Variants in PEPD observed in about 807,000 individuals in gnomAD.
PEPD encodes the protein xaa-Pro dipeptidase.
Under a neutral mutation model 60.7 loss-of-function variants are expected in PEPD, and 53 were observed. That is an observed-to-expected ratio of 0.87 (90% CI 0.70 to 1.10). PEPD has a LOEUF of 1.10. Ranked by LOEUF, PEPD falls within the 50% of genes least tolerant of loss-of-function variation. The pLI, the probability that PEPD is intolerant of heterozygous loss-of-function variation, is 0.00. For missense variants in PEPD, 711 were observed against 711.9 expected (o/e 1.00, Z 0.01); for synonymous variants, 267 against 284.1 (o/e 0.94, Z 0.60).
At chr19:33,508,513 G>A (rs1236339867) in intron 3 of PEPD, among the ~76,000 whole-genome samples, 3 of 152,228 alleles carry the variant, frequency 2.0e-5, no homozygotes, top group African/African-American at 4.8e-5. Context: ...AATTTGGACC[G>A]AGCCCCGAGA....
At chr19:33,424,472 C>G (rs1267328195) in intron 9 of PEPD, among the ~76,000 whole-genome samples, 1 of 152,242 alleles carries the variant, frequency 6.6e-6, no homozygotes, top group African/African-American at 2.4e-5. Context: ...CTGTTCGCGT[C>G]TGACCCAATC....
At chr19:33,487,370 C>A (rs1465325552) in intron 6 of PEPD, 1 of 152,362 alleles carries the variant, frequency 6.6e-6, no homozygotes, top group Non-Finnish European at 1.5e-5. Flanking sequence ...CCAGCCAGAG[C>A]TCCTGCCTCA....
chr19:33,397,036 C>T (rs1400887130), intron 12 of PEPD, among the ~76,000 whole-genome samples: 1 of 152,162 alleles, frequency 6.6e-6, no homozygotes, highest in African/African-American at 2.4e-5. Flanking sequence ...ACAGGAGCCG[C>T]GCTGAGCTTG....
intron 2 of PEPD, among the ~76,000 whole-genome samples, chr19:33,511,828 T>G (rs952252523): frequency 5.9e-5 from 9 of 152,162 alleles, no homozygotes; most frequent in Non-Finnish European, 1.3e-4. Flanking sequence ...AGCCATGGGA[T>G]TGCAGGCTTG....
chr19:33,409,424 T>G (rs1458369622), intron 11 of PEPD, among the ~76,000 whole-genome samples: 1 of 152,144 alleles, frequency 6.6e-6, no homozygotes, highest in African/African-American at 2.4e-5. Flanking sequence ...ATCCCAGCAC[T>G]TTTGGGAGGC....
chr19:33,509,016 G>C (rs1459160768), intron 3 of PEPD, among the ~76,000 whole-genome samples: 1 of 152,202 alleles, frequency 6.6e-6, no homozygotes, highest in Admixed American at 6.5e-5. Context: ...CGGCCTCTCA[G>C]AAGCCACACT....
chr19:33,423,760 T>C (rs920774055), intron 9 of PEPD, among the ~76,000 whole-genome samples: 1 of 152,240 alleles, frequency 6.6e-6, no homozygotes, highest in African/African-American at 2.4e-5. Context: ...AGTTTCCCCT[T>C]TGCTCCTTAA....
chr19:33,426,747 A>T (rs1455709612), intron 9 of PEPD, among the ~76,000 whole-genome samples: 1 of 151,364 alleles, frequency 6.6e-6, no homozygotes. Flanking sequence ...TCACTGAGGA[A>T]ACAGGAGGAG....
At chr19:33,418,999 C>A (rs538305071) in intron 9 of PEPD, among the ~76,000 whole-genome samples, 1 of 152,210 alleles carries the variant, frequency 6.6e-6, no homozygotes, top group Non-Finnish European at 1.5e-5. Context: ...GCAGCAGATG[C>A]GGTGCTCGGC....
chr19:33,451,365 A>C (rs1363838027), intron 9 of PEPD, among the ~76,000 whole-genome samples: 1 of 152,258 alleles, frequency 6.6e-6, no homozygotes, highest in Non-Finnish European at 1.5e-5. Flanking sequence ...TAAAATTAGA[A>C]AATTAAAATT....
intron 3 of PEPD, among the ~76,000 whole-genome samples, chr19:33,504,245 C>T (rs964798785): frequency 6.6e-6 from 1 of 152,226 alleles, no homozygotes; most frequent in Non-Finnish European, 1.5e-5. Flanking sequence ...GCTTGGCAGC[C>T]ATGATTTGGT....
chr19:33,387,733 T>C (rs1968109574), intron 14 of PEPD, 157 bp downstream of exon 14: 1 of 770,668 alleles, frequency 1.3e-6, no homozygotes, highest in Admixed American at 2.1e-5. Context: ...TACTGAGGGG[T>C]GAGGCTCCAT....
intron 9 of PEPD, among the ~76,000 whole-genome samples, chr19:33,415,100 C>A (rs771055365): frequency 1.6e-4 from 24 of 152,222 alleles, no homozygotes; most frequent in Non-Finnish European, 3.1e-4. Context: ...CCACTTCACA[C>A]CTCTGTGGCG....
chr19:33,463,052 G>A lies in PEPD; in HGVS notation c.625-11C>T, dbSNP rs796418600. On this transcript the variant is annotated splice_polypyrimidine_tract_variant and intron_variant, in intron 8 of 14. Coordinates refer to ENST00000244137, the MANE Select transcript of PEPD (RefSeq NM_000285.4). ...TACAGCCTTCATTACCTGGAGGACG[G>A]ATATTAAGCAAAGACATTTGTATTA... The A allele has an allele frequency of 1.3e-6, 2 of 1,549,096 alleles. No individual in the cohort carries two copies. Among genetic ancestry groups the A allele is most frequent in the South Asian group, 2.2e-5 (2 of 89,750 alleles).
At chr19:33,457,700 C>T (rs1182347817) in intron 9 of PEPD, among the ~76,000 whole-genome samples, 8 of 152,230 alleles carry the variant, frequency 5.3e-5, no homozygotes, top group Non-Finnish European at 8.8e-5. Context: ...TTAGTAGAGA[C>T]GCGGTTTCAC....
chr19:33,437,832 C>T (rs144676677), intron 9 of PEPD, among the ~76,000 whole-genome samples: 1 of 152,148 alleles, frequency 6.6e-6, no homozygotes, highest in African/African-American at 2.4e-5. Context: ...GCAGTTCAGG[C>T]CATTTTTCTC....
Position 33,387,489 on chromosome 19 carries a change from A to G in PEPD, c.1345-8T>C, listed in dbSNP as rs762165014. On this transcript the variant is annotated splice_region_variant and splice_polypyrimidine_tract_variant and intron_variant, in intron 14 of 14. Transcript: ENST00000244137. ...GTCCTCCTCGATGCGGACCTGGGTCAAGCCGACAGACACACATTATCATAG... is the reference window on the plus strand; with the variant it reads ...GTCCTCCTCGATGCGGACCTGGGTCGAGCCGACAGACACACATTATCATAG... 3 of 1,613,308 alleles carry G rather than the reference A, an allele frequency of 1.9e-6. No homozygotes were observed. The highest frequency in any genetic ancestry group is 1.7e-6 in the Non-Finnish European group (2 of 1,180,036).
chr19:33,474,565 G>A (rs1970182133), intron 7 of PEPD, among the ~76,000 whole-genome samples: 1 of 152,156 alleles, frequency 6.6e-6, no homozygotes, highest in Non-Finnish European at 1.5e-5. Context: ...GTGCGCACCT[G>A]TAGTGGGGAG....
In PEPD at chr19:33,456,275, C is replaced by T. The variant is rs976722198; in HGVS notation, c.671+6720G>A. Reference sequence around the variant, plus strand: ...AGTGGTGTAGACACAGCAGGATGGACGGGCACACAGGACCTGCCCTGCCAG... The same window carrying T: ...AGTGGTGTAGACACAGCAGGATGGATGGGCACACAGGACCTGCCCTGCCAG... On this transcript the variant is annotated intron_variant, in intron 9 of 14. Coordinates refer to ENST00000244137, the MANE Select transcript of PEPD (RefSeq NM_000285.4). Among the ~76,000 whole-genome samples the T allele has an allele frequency of 5.9e-5, 9 of 152,208 alleles. No individual in the cohort carries two copies. In the South Asian group the frequency reaches 6.2e-4, roughly 11 times the overall value.
Sources: allele counts gnomAD v4.1 joint callset (sites outside exome capture counted in the v4.1 genomes callset), GRCh38; gene constraint gnomAD v4.1.1; transcripts MANE v1.5; gene names NCBI Gene and HGNC (gene_info 2026-07-23, HGNC 2026-07-21).